Variants in MAPT observed in about 807,000 individuals in gnomAD.
MAPT encodes microtubule-associated protein tau.
A neutral mutation model predicts 67.9 loss-of-function variants in MAPT; 34 were observed. The observed-to-expected ratio is 0.50, with a 90% CI of 0.38 to 0.67. The LOEUF is 0.67. MAPT is among the 30% of genes least tolerant of loss of function. MAPT has a pLI of 0.00. For synonymous variants in MAPT, 456 were observed against 464.5 expected (o/e 0.98, Z 0.23); for missense variants, 881 against 1,115.2 (o/e 0.79, Z 2.99).
At chr17:45,989,052 AC>A (rs1443226214) in intron 6 of MAPT, among the ~76,000 whole-genome samples, 1 of 152,062 alleles carries the variant, frequency 6.6e-6, no homozygotes. Flanking sequence ...TGGGGGGGGC[AC>A]ACTCCTGATT....
intron 1 of MAPT, among the ~76,000 whole-genome samples, chr17:45,934,884 T>TC (rs576886667): frequency 4.9e-4 from 72 of 147,230 alleles, no homozygotes; most frequent in African/African-American, 1.5e-3. Context: ...TTTTTGAGTT[T>TC]CCCCCCCGCT....
rs1036165905 is a variant in MAPT, at chr17:46,010,658, T to G, written c.2091+256T>G. Among the ~76,000 whole-genome samples the G allele has an allele frequency of 1.3e-5, 2 of 152,064 alleles. No individual in the cohort carries two copies. Among genetic ancestry groups the G allele is most frequent in the Non-Finnish European group, 2.9e-5 (2 of 67,982 alleles). ...GGTCCCCCAGCCTGCGCAGGCTGTG[T>G]GGACAGAATAGGGCAGATGACGGAC... On this transcript the variant is annotated intron_variant, in intron 10 of 12. Transcript: ENST00000262410. This position sits in a 1 kb window ranked among gnomAD's most constrained non-coding sequence, Gnocchi z 4.7.
intron 1 of MAPT, among the ~76,000 whole-genome samples, chr17:45,951,915 GGAGA>G (rs145267550): frequency 2.0e-5 from 3 of 151,488 alleles, no homozygotes; most frequent in Non-Finnish European, 2.9e-5. Context: ...AGAGAGAGGA[GGAGA>G]GAGAGAGAGA....
chr17:45,926,612 C>T (rs1476696048), intron 1 of MAPT, among the ~76,000 whole-genome samples: 1 of 152,106 alleles, frequency 6.6e-6, no homozygotes, highest in Admixed American at 6.6e-5. Flanking sequence ...TGTACCCAGC[C>T]CTCAAATTTT....
chr17:46,024,265 C>A lies in MAPT; in HGVS notation c.*94C>A. The A allele has an allele frequency of 8.9e-7, 1 of 1,127,696 alleles. No individual in the cohort carries two copies. Among genetic ancestry groups the A allele is most frequent in the Non-Finnish European group, 1.3e-6 (1 of 765,132 alleles). The allele number at this position is 1,127,696 out of a possible 1,614,324, so 69.9% of individuals were successfully genotyped here. On this transcript the variant is annotated 3_prime_UTR_variant, in exon 13 of 13. Transcript: ENST00000262410. ...ATGACCCGGCCCCCGCCCTCTGCCC[C>A]CAGCTGCTCCTCGCAGTTCGGTTAA...
chr17:46,005,959 G>A (rs1324572788), intron 9 of MAPT, among the ~76,000 whole-genome samples: 1 of 152,216 alleles, frequency 6.6e-6, no homozygotes, highest in African/African-American at 2.4e-5. Context: ...GAAAGTTGCG[G>A]AACCTCAGCG....
intron 1 of MAPT, 130 bp from the exon 2 acceptor site, chr17:45,962,191 T>A (rs1037885561): frequency 2.7e-6 from 2 of 736,930 alleles, no homozygotes; most frequent in Admixed American, 4.8e-5. Context: ...GGCGGCCAAC[T>A]GTTAGAGAGG....
At chr17:45,968,709 C>T (rs1464945271) in intron 2 of MAPT, among the ~76,000 whole-genome samples, 2 of 152,174 alleles carry the variant, frequency 1.3e-5, no homozygotes, top group Non-Finnish European at 2.9e-5. Context: ...TCTGCATCAC[C>T]ACCATTGGCA....
At chr17:45,999,253 T>C (rs1376594151) in intron 9 of MAPT, 1 of 1,605,734 alleles carries the variant, frequency 6.2e-7, no homozygotes, top group East Asian at 2.2e-5. Context: ...ACACTGAGCA[T>C]GTGTCTGCTG....
intron 8 of MAPT, chr17:45,994,040 T>G: frequency 6.7e-7 from 1 of 1,484,618 alleles, no homozygotes; most frequent in South Asian, 1.2e-5. Flanking sequence ...TTCACTGGCT[T>G]GTGTTTCTAG....
At chr17:46,008,132 T>C (rs926420867) in intron 9 of MAPT, among the ~76,000 whole-genome samples, 9 of 152,274 alleles carry the variant, frequency 5.9e-5, no homozygotes, top group Non-Finnish European at 1.3e-4. Context: ...AGTCTCATTC[T>C]GTCACCCAGG....
chr17:45,917,257 G>A (rs112647192), intron 1 of MAPT, among the ~76,000 whole-genome samples: 21,828 of 152,246 alleles, frequency 0.14, 2,130 homozygotes, highest in Middle Eastern at 0.22. Context: ...TGCAGGGTTC[G>A]CATCTGCCTG....
chr17:45,997,146 C>A lies in MAPT; in HGVS notation c.1998+482C>A, dbSNP rs368014336. On this transcript the variant is annotated intron_variant, in intron 9 of 12. Coordinates refer to ENST00000262410, the MANE Select transcript of MAPT (RefSeq NM_001377265.1). ...GGGAGATTGGGGGTTCTGTTTTGAT[C>A]AGCTGATTCTTCTGGGAGCAAGTGG... is the stretch of plus-strand genomic sequence containing the variant. Among the ~76,000 whole-genome samples the A allele has an allele frequency of 1.7e-3, 262 of 152,266 alleles. 1 individual carries two copies. The highest frequency in any genetic ancestry group is 6.2e-3 in the African/African-American group (257 of 41,554).
At chr17:45,964,421 T>C (rs1370574793) in intron 2 of MAPT, among the ~76,000 whole-genome samples, 1 of 142,926 alleles carries the variant, frequency 7.0e-6, no homozygotes, top group East Asian at 2.1e-4. Context: ...GGCTCACGCC[T>C]GTAATCCCAG....
chr17:45,990,157 T>A, intron 7 of MAPT, 82 bp downstream of exon 7: 1 of 1,272,942 alleles, frequency 7.9e-7, no homozygotes, highest in Non-Finnish European at 1.1e-6. Context: ...TTTTTTAGCC[T>A]CAAAGACCTT....
intron 9 of MAPT, among the ~76,000 whole-genome samples, chr17:46,005,555 G>T (rs1276577445): frequency 6.6e-6 from 1 of 152,150 alleles, no homozygotes; most frequent in Non-Finnish European, 1.5e-5. Context: ...ACCTGGGCTG[G>T]GCAGCATAGC....
At chr17:45,895,908 G>C (rs1308635108) in intron 1 of MAPT, 1 of 152,508 alleles carries the variant, frequency 6.6e-6, no homozygotes, top group Admixed American at 6.5e-5. Context: ...TGAAATCTTG[G>C]CGTTTTGCTG....
rs72448143 is a variant in MAPT at position 45,914,723 on chromosome 17, C to CTT, written c.-18+20051_-18+20052dup. On this transcript the variant is annotated intron_variant, in intron 1 of 12. Coordinates refer to ENST00000262410, the MANE Select transcript of MAPT (RefSeq NM_001377265.1). The stretch of plus-strand genomic sequence containing the variant: ...ACCATGCTTAAATGTTACTTTTTAC[C>CTT]TTTTTTTTTTTTTTTGAGACAGGGT... Among the ~76,000 whole-genome samples the CTT allele has an allele frequency of 9.0e-4, 129 of 142,702 alleles. 2 individuals are homozygous for CTT. In the Middle Eastern group the frequency reaches 0.014, roughly 16 times the overall value. 93.6% of individuals were successfully genotyped at this position (142,702 alleles called of 152,430 possible).
intron 9 of MAPT, among the ~76,000 whole-genome samples, chr17:46,004,964 T>G (rs893100855): frequency 2.0e-5 from 3 of 152,152 alleles, no homozygotes; most frequent in African/African-American, 7.2e-5. Flanking sequence ...TTTTGTATTT[T>G]TAGTAGAGAC....
Sources: allele counts gnomAD v4.1 joint callset (sites outside exome capture counted in the v4.1 genomes callset), GRCh38; gene constraint gnomAD v4.1.1; non-coding constraint Gnocchi (gnomAD v3.1); transcripts MANE v1.5; gene names NCBI Gene and HGNC (gene_info 2026-07-23, HGNC 2026-07-21).